The following PDE10A variants were observed in gnomAD, a reference collection of about 807,000 sequenced individuals.
PDE10A encodes the protein phosphodiesterase 10A.
In PDE10A, 39 loss-of-function variants were observed where a neutral mutation model predicts 97.7. The observed-to-expected ratio is 0.40, with a 90% CI of 0.31 to 0.52. The LOEUF is 0.52. Ranked by LOEUF, PDE10A falls within the 20% of genes least tolerant of loss-of-function variation. The pLI is 0.56. For missense variants in PDE10A, 731 were observed against 1,047.8 expected (o/e 0.70, Z 4.17); for synonymous variants, 371 against 376.8 (o/e 0.98, Z 0.18).
intron 1 of PDE10A, among the ~76,000 whole-genome samples, chr6:165,708,526 C>G (rs1791779311): frequency 6.6e-6 from 1 of 151,594 alleles, no homozygotes; most frequent in South Asian, 2.1e-4. Flanking sequence ...AGCACATCCC[C>G]AAACACGGTT....
chr6:165,393,342 C>A (rs1207438258), intron 15 of PDE10A, among the ~76,000 whole-genome samples: 1 of 151,596 alleles, frequency 6.6e-6, no homozygotes, highest in Non-Finnish European at 1.5e-5. Context: ...CAAATACTGA[C>A]ATAGTATATA....
intron 5 of PDE10A, among the ~76,000 whole-genome samples, chr6:165,442,144 AT>A (rs910524602): frequency 3.3e-5 from 5 of 152,098 alleles, no homozygotes; most frequent in South Asian, 2.1e-4. Context: ...AAGAGGTTTA[AT>A]TTTTTTTATT....
rs116667218 is a variant in PDE10A, at chr6:165,937,720, T to C, written c.-615+49809A>G. Among the ~76,000 whole-genome samples the C allele has an allele frequency of 6.9e-3, 1,048 of 152,312 alleles. 15 individuals carry two copies. The highest frequency in any genetic ancestry group is 0.022 in the African/African-American group (921 of 41,546). ...AAAACAGGCTGAGAAAGAGCTGTTGTCAGTTTCACAAAACCTGTCAAGAGC... is the reference window on the plus strand; with the variant it reads ...AAAACAGGCTGAGAAAGAGCTGTTGCCAGTTTCACAAAACCTGTCAAGAGC... On this transcript the variant is annotated intron_variant, in intron 1 of 19. Transcript: ENST00000366882.
intron 1 of PDE10A, among the ~76,000 whole-genome samples, chr6:165,714,347 G>A (rs886826500): frequency 6.6e-5 from 10 of 152,232 alleles, no homozygotes; most frequent in East Asian, 3.8e-4. Flanking sequence ...CAGGTTTGCC[G>A]TTTGTGAACC....
At chr6:165,682,047 A>G (rs951409667) in intron 1 of PDE10A, among the ~76,000 whole-genome samples, 1 of 152,214 alleles carries the variant, frequency 6.6e-6, no homozygotes, top group Non-Finnish European at 1.5e-5. Context: ...TGGTTTTAAC[A>G]TGCTGATTTC....
At chr6:165,753,488 T>C in intron 1 of PDE10A, among the ~76,000 whole-genome samples, 1 of 152,242 alleles carries the variant, frequency 6.6e-6, no homozygotes, top group Admixed American at 6.5e-5. Flanking sequence ...TTACAGAAGC[T>C]TTATGTGACT....
chr6:165,471,532 A>C (rs1779005959), intron 3 of PDE10A, among the ~76,000 whole-genome samples: 1 of 152,096 alleles, frequency 6.6e-6, no homozygotes. Context: ...CACATCCAAA[A>C]CTGATTGTCT....
At chr6:165,392,516 C>T in intron 16 of PDE10A, 130 bp downstream of exon 16, 1 of 723,158 alleles carries the variant, frequency 1.4e-6, no homozygotes, top group South Asian at 2.0e-5. Context: ...AAATGGGCTA[C>T]TATTGATTTA....
chr6:165,928,785 C>G (rs147111364), intron 1 of PDE10A, among the ~76,000 whole-genome samples: 10 of 152,290 alleles, frequency 6.6e-5, no homozygotes, highest in African/African-American at 1.4e-4. Flanking sequence ...GCTCTAGGAG[C>G]TCAGAGAAGA....
intron 1 of PDE10A, among the ~76,000 whole-genome samples, chr6:165,644,896 T>C (rs1326854474): frequency 6.6e-6 from 1 of 152,238 alleles, no homozygotes; most frequent in African/African-American, 2.4e-5. Flanking sequence ...TACGTTGATC[T>C]CCAGGAAATC....
intron 1 of PDE10A, among the ~76,000 whole-genome samples, chr6:165,803,139 A>G (rs1170795971): frequency 1.3e-5 from 2 of 152,254 alleles, no homozygotes; most frequent in African/African-American, 2.4e-5. Context: ...GGTAACACCA[A>G]GGGGCATAAT....
chr6:165,982,446 G>A (rs1274699539), intron 1 of PDE10A, among the ~76,000 whole-genome samples: 1 of 152,162 alleles, frequency 6.6e-6, no homozygotes, highest in East Asian at 1.9e-4. Flanking sequence ...AAGACATGGA[G>A]GTTAAAACTA....
chr6:165,484,857 A>G (rs1369388095), intron 2 of PDE10A, among the ~76,000 whole-genome samples: 1 of 152,040 alleles, frequency 6.6e-6, no homozygotes, highest in Non-Finnish European at 1.5e-5. Flanking sequence ...TCTTTCCCAC[A>G]CTATGCACTT....
intron 1 of PDE10A, among the ~76,000 whole-genome samples, chr6:165,795,372 A>C (rs1778800620): frequency 6.6e-6 from 1 of 152,148 alleles, no homozygotes; most frequent in Non-Finnish European, 1.5e-5. Context: ...CGTGGTGCCC[A>C]GCGTGAGTGA....
intron 1 of PDE10A, among the ~76,000 whole-genome samples, chr6:165,896,277 T>C (rs980396843): frequency 1.2e-4 from 18 of 152,160 alleles, no homozygotes; most frequent in African/African-American, 4.3e-4. Context: ...TGTGAGATAT[T>C]GAGGACAGCT....
At chr6:165,445,490 T>C (rs1268732267) in intron 5 of PDE10A, among the ~76,000 whole-genome samples, 1 of 152,198 alleles carries the variant, frequency 6.6e-6, no homozygotes, top group Non-Finnish European at 1.5e-5. Flanking sequence ...AGTTGGGGCC[T>C]TTCTGTGAGG....
chr6:165,811,473 A>G (rs1401943182), intron 1 of PDE10A, among the ~76,000 whole-genome samples: 2 of 151,976 alleles, frequency 1.3e-5, no homozygotes, highest in East Asian at 3.9e-4. Flanking sequence ...AATAAACAGC[A>G]TTATTCTAGA....
chr6:165,967,154 T>C (rs1440867225), intron 1 of PDE10A, among the ~76,000 whole-genome samples: 1 of 152,166 alleles, frequency 6.6e-6, no homozygotes, highest in Non-Finnish European at 1.5e-5. Context: ...AATGCCTGTG[T>C]CAGACCCTGC....
intron 1 of PDE10A, among the ~76,000 whole-genome samples, chr6:165,963,630 G>T (rs1376006078): frequency 6.6e-6 from 1 of 152,194 alleles, no homozygotes; most frequent in Non-Finnish European, 1.5e-5. Context: ...TACTAATAAA[G>T]AAAAGGGCCC....
Sources: allele counts gnomAD v4.1 joint callset (sites outside exome capture counted in the v4.1 genomes callset), GRCh38; gene constraint gnomAD v4.1.1; transcripts MANE v1.5; gene names NCBI Gene and HGNC (gene_info 2026-07-23, HGNC 2026-07-21).